Variants in AGMO observed in about 807,000 individuals in gnomAD.
AGMO encodes alkylglycerol monooxygenase.
A neutral mutation model predicts 60.2 loss-of-function variants in AGMO; 75 were observed. The observed-to-expected ratio is 1.25, with a 90% CI of 1.03 to 1.51. AGMO has a LOEUF of 1.51. Among genes scored for constraint, AGMO ranks in the 40% most tolerant of loss-of-function variants. The pLI, the probability that AGMO is intolerant of heterozygous loss-of-function variation, is 0.00. For synonymous variants in AGMO, 261 were observed against 177.1 expected (o/e 1.47, Z -3.76); for missense variants, 763 against 525.5 (o/e 1.45, Z -4.42).
chr7:15,394,227 T>C, intron 5 of AGMO, 48 bp from the exon 6 acceptor site: 4 of 1,293,810 alleles, frequency 3.1e-6, no homozygotes, highest in Non-Finnish European at 4.4e-6. Flanking sequence ...TCATTAAATG[T>C]GTGTTAGTAT....
chr7:15,220,387 A>ATT (rs112062138), intron 12 of AGMO, among the ~76,000 whole-genome samples: 3 of 143,542 alleles, frequency 2.1e-5, no homozygotes, highest in African/African-American at 7.6e-5. Context: ...TTCCTGGCTA[A>ATT]TTTTTTTTTT....
intron 12 of AGMO, among the ~76,000 whole-genome samples, chr7:15,334,558 T>C (rs1490791474): frequency 1.3e-5 from 2 of 152,130 alleles, no homozygotes; most frequent in Non-Finnish European, 1.5e-5. Context: ...TACCAAAGGC[T>C]TTGCCCAACT....
chr7:15,341,780 C>T (rs1781856170), intron 12 of AGMO, among the ~76,000 whole-genome samples: 1 of 152,100 alleles, frequency 6.6e-6, no homozygotes, highest in Non-Finnish European at 1.5e-5. Context: ...GCCTCACAAT[C>T]ATGGCAGAAG....
At chr7:15,251,508 C>A (rs955782014) in intron 12 of AGMO, among the ~76,000 whole-genome samples, 2 of 152,204 alleles carry the variant, frequency 1.3e-5, no homozygotes, top group African/African-American at 4.8e-5. Flanking sequence ...ACCAGCACCA[C>A]TGGAAACAAA....
In AGMO at chr7:15,462,505, A is replaced by G. The variant is rs76017352; in HGVS notation, c.410-31397T>C. On this transcript the variant is annotated intron_variant, in intron 3 of 12. Coordinates refer to ENST00000342526, the MANE Select transcript of AGMO (RefSeq NM_001004320.2). ...ATTAAGTACTAAAATATACAAAGAAATAAACTGTAAGCCTTCACTACTGAA... is the reference window on the plus strand; with the variant it reads ...ATTAAGTACTAAAATATACAAAGAAGTAAACTGTAAGCCTTCACTACTGAA... 3.4e-3 allele frequency among the ~76,000 whole-genome samples: 517 copies of G among 152,298 alleles called. 3 individuals carry two copies. The highest frequency in any genetic ancestry group is 0.012 in the African/African-American group (483 of 41,578).
intron 5 of AGMO, among the ~76,000 whole-genome samples, chr7:15,404,519 A>C (rs1007208810): frequency 6.6e-6 from 1 of 151,936 alleles, no homozygotes; most frequent in African/African-American, 2.4e-5. Context: ...TTATAGGTTT[A>C]ACCATCTCAA....
intron 12 of AGMO, among the ~76,000 whole-genome samples, chr7:15,304,843 A>T (rs944499266): frequency 4.6e-5 from 7 of 152,042 alleles, no homozygotes; most frequent in Non-Finnish European, 1.0e-4. Context: ...AATCTGAGGC[A>T]TTATTATTAT....
chr7:15,318,843 A>G (rs1010752906), intron 12 of AGMO, among the ~76,000 whole-genome samples: 4 of 152,170 alleles, frequency 2.6e-5, no homozygotes, highest in African/African-American at 9.7e-5. Context: ...AAACTCTAAA[A>G]TCAGGCTTCT....
intron 3 of AGMO, among the ~76,000 whole-genome samples, chr7:15,537,714 T>G (rs759094100): frequency 1.2e-4 from 18 of 152,162 alleles, no homozygotes; most frequent in Admixed American, 6.6e-4. Context: ...TACAAACCCT[T>G]GATAATAGCC....
intron 5 of AGMO, among the ~76,000 whole-genome samples, chr7:15,401,929 A>G (rs1243184415): frequency 3.3e-5 from 5 of 152,088 alleles, no homozygotes; most frequent in African/African-American, 1.2e-4. Context: ...AACATTGACT[A>G]TAACTAGTCA....
At chr7:15,486,934 T>C (rs1303111153) in intron 3 of AGMO, among the ~76,000 whole-genome samples, 4 of 152,236 alleles carry the variant, frequency 2.6e-5, no homozygotes, top group Middle Eastern at 3.2e-3. Context: ...ATAATGTCTT[T>C]CTTTGGCTGT....
At chr7:15,345,032 C>T (rs137923501) in intron 12 of AGMO, among the ~76,000 whole-genome samples, 1 of 152,098 alleles carries the variant, frequency 6.6e-6, no homozygotes, top group Non-Finnish European at 1.5e-5. Context: ...CACATCTTTC[C>T]ATGTTTACTA....
At chr7:15,505,810 A>T (rs1231688365) in intron 3 of AGMO, among the ~76,000 whole-genome samples, 3 of 152,084 alleles carry the variant, frequency 2.0e-5, no homozygotes, top group Non-Finnish European at 4.4e-5. Context: ...TAAGAAATCC[A>T]AATAGACTCT....
chr7:15,272,670 G>C (rs1251295937), intron 12 of AGMO, among the ~76,000 whole-genome samples: 4 of 152,080 alleles, frequency 2.6e-5, no homozygotes, highest in Non-Finnish European at 5.9e-5. Flanking sequence ...GGGTCAAATG[G>C]TATTTCTAGT....
the AGMO span, among the ~76,000 whole-genome samples, chr7:15,191,110 C>T: frequency 6.6e-6 from 1 of 152,068 alleles, no homozygotes; most frequent in Admixed American, 6.6e-5. Flanking sequence ...TTTTAAGGAG[C>T]TTAAAGGTGA....
intron 12 of AGMO, among the ~76,000 whole-genome samples, chr7:15,316,230 A>C (rs1671414587): frequency 6.6e-6 from 1 of 152,202 alleles, no homozygotes; most frequent in Admixed American, 6.6e-5. Flanking sequence ...TGAAGAGACT[A>C]GGCAACATCA....
At chr7:15,165,542 A>G in the AGMO span, among the ~76,000 whole-genome samples, 1 of 152,326 alleles carries the variant, frequency 6.6e-6, no homozygotes, top group South Asian at 2.1e-4. Context: ...CCCTATAAAC[A>G]AATGACATAG....
rs200143508 is a variant in AGMO, at chr7:15,478,982, GT to G, written c.410-47875del. Among the ~76,000 whole-genome samples the G allele has an allele frequency of 4.2e-3, 638 of 152,190 alleles. 2 individuals carry two copies. The highest frequency in any genetic ancestry group is 0.015 in the African/African-American group (609 of 41,510). On this transcript the variant is annotated intron_variant, in intron 3 of 12. Transcript: ENST00000342526. ...ATCTTGTATAGTAACTTTATATACT[GT>G]TATGGAAGATAAACGAGCTAATAAA...
At chr7:15,378,566 A>C (rs986910137) in intron 10 of AGMO, among the ~76,000 whole-genome samples, 1 of 151,964 alleles carries the variant, frequency 6.6e-6, no homozygotes, top group African/African-American at 2.4e-5. Context: ...AGAGATCTTC[A>C]AAGAGATTTA....
Sources: gnomAD v4.1 joint callset for allele counts (sites outside exome capture counted in the v4.1 genomes callset) on GRCh38, gnomAD v4.1.1 for gene constraint, MANE v1.5 for transcripts, NCBI Gene and HGNC (gene_info 2026-07-23, HGNC 2026-07-21) for gene names.